ADAMTSL1: variants seen among roughly 807,000 people sequenced by gnomAD.
The protein encoded by ADAMTSL1 is ADAMTS-like protein 1.
A neutral mutation model predicts 201.8 loss-of-function variants in ADAMTSL1; 126 were observed. The observed-to-expected ratio is 0.62, with a 90% CI of 0.54 to 0.72. The LOEUF (loss-of-function observed/expected upper bound fraction) is 0.72, where lower values mean the gene tolerates loss of function less well. Ranked by LOEUF, ADAMTSL1 falls within the 30% of genes least tolerant of loss-of-function variation. The pLI is 0.00. For synonymous variants in ADAMTSL1, 1,121 were observed against 903.4 expected, an observed-to-expected ratio of 1.24 and a Z score of -4.32; for missense variants, 2,679 against 2,277.8, an observed-to-expected ratio of 1.18 and a Z score of -3.59.
At chr9:18,012,504 C>T (rs1012795847) in intron 1 of ADAMTSL1, among the ~76,000 whole-genome samples, 1 of 152,180 alleles carries the variant, frequency 6.6e-6, no homozygotes, top group East Asian at 1.9e-4. Flanking sequence ...CACCCATTTT[C>T]CGGGGCTGGG....
intron 2 of ADAMTSL1, among the ~76,000 whole-genome samples, chr9:18,368,804 T>C (rs917430627): frequency 6.6e-6 from 1 of 152,218 alleles, no homozygotes; most frequent in African/African-American, 2.4e-5. Context: ...TTACTGCAGA[T>C]ATGTAAAAAT....
intron 2 of ADAMTSL1, among the ~76,000 whole-genome samples, chr9:18,295,138 G>A (rs747777631): frequency 5.9e-5 from 9 of 151,950 alleles, no homozygotes; most frequent in Non-Finnish European, 7.4e-5. Flanking sequence ...ATATAACATG[G>A]TCACTATAGA....
intron 2 of ADAMTSL1, among the ~76,000 whole-genome samples, chr9:18,529,422 A>C (rs933277879): frequency 3.3e-5 from 5 of 152,136 alleles, no homozygotes; most frequent in Non-Finnish European, 5.9e-5. Context: ...TGTTTGATAG[A>C]CTTAGGAGTT....
At chr9:18,779,552 G>T (rs1821263430) in intron 19 of ADAMTSL1, among the ~76,000 whole-genome samples, 1 of 152,192 alleles carries the variant, frequency 6.6e-6, no homozygotes, top group Non-Finnish European at 1.5e-5. Flanking sequence ...ACTGGAAATG[G>T]TCTGAACACA....
intron 2 of ADAMTSL1, among the ~76,000 whole-genome samples, chr9:18,437,401 A>T (rs1453864346): frequency 6.6e-6 from 1 of 152,060 alleles, no homozygotes; most frequent in Non-Finnish European, 1.5e-5. Context: ...AGTTTCTTCC[A>T]ATGAGACCCC....
intron 20 of ADAMTSL1, among the ~76,000 whole-genome samples, chr9:18,807,660 A>G (rs1823244160): frequency 1.2e-5 from 1 of 83,590 alleles, no homozygotes; most frequent in South Asian, 3.7e-4. Context: ...AAAAAAAAAC[A>G]AAAAAAAAAC....
At chr9:18,357,152 CT>C (rs1170215432) in intron 2 of ADAMTSL1, among the ~76,000 whole-genome samples, 4 of 151,952 alleles carry the variant, frequency 2.6e-5, no homozygotes, top group African/African-American at 9.7e-5. Context: ...TAAGTTAATG[CT>C]TTTTAATAGA....
chr9:18,087,367 A>C (rs1264737064), intron 1 of ADAMTSL1, among the ~76,000 whole-genome samples: 1 of 152,144 alleles, frequency 6.6e-6, no homozygotes, highest in Non-Finnish European at 1.5e-5. Flanking sequence ...AATAATTGAT[A>C]AACTATAGTT....
intron 1 of ADAMTSL1, among the ~76,000 whole-genome samples, chr9:17,991,862 G>A (rs762434144): frequency 5.3e-5 from 8 of 152,140 alleles, no homozygotes; most frequent in Non-Finnish European, 1.2e-4. Flanking sequence ...ATTTTCCCTC[G>A]GGGGTGCTTC....
chr9:17,944,051 C>A (rs1018024142), intron 1 of ADAMTSL1, among the ~76,000 whole-genome samples: 9 of 151,878 alleles, frequency 5.9e-5, no homozygotes, highest in African/African-American at 2.2e-4. Context: ...ATGATTCAAA[C>A]ACCTCCCACC....
chr9:18,770,306 G>T (rs1312771398), intron 16 of ADAMTSL1, among the ~76,000 whole-genome samples: 1 of 152,180 alleles, frequency 6.6e-6, no homozygotes, highest in South Asian at 2.1e-4. Flanking sequence ...TAAACCAGTT[G>T]TCTTGGATGG....
intron 15 of ADAMTSL1, among the ~76,000 whole-genome samples, chr9:18,724,747 G>A (rs1817761877): frequency 6.6e-6 from 1 of 152,148 alleles, no homozygotes; most frequent in African/African-American, 2.4e-5. Flanking sequence ...AGGTAGCAAT[G>A]TTTGGACCAT....
intron 1 of ADAMTSL1, among the ~76,000 whole-genome samples, chr9:17,950,547 T>C (rs1827695027): frequency 2.0e-5 from 3 of 151,512 alleles, no homozygotes; most frequent in African/African-American, 4.8e-5. Context: ...TTATATATTA[T>C]ATATGCTACA....
At chr9:18,395,605 AAT>A (rs1409156188) in intron 2 of ADAMTSL1, among the ~76,000 whole-genome samples, 1 of 152,162 alleles carries the variant, frequency 6.6e-6, no homozygotes. Flanking sequence ...GTCAGTATAG[AAT>A]CTGTTCTGGA....
intron 2 of ADAMTSL1, among the ~76,000 whole-genome samples, chr9:18,415,600 G>A (rs934115807): frequency 6.6e-6 from 1 of 152,058 alleles, no homozygotes; most frequent in Non-Finnish European, 1.5e-5. Context: ...AGTTCCTGAA[G>A]TTGGGAGGGG....
chr9:18,572,778 G>C (rs1385447916), intron 3 of ADAMTSL1, among the ~76,000 whole-genome samples: 1 of 152,110 alleles, frequency 6.6e-6, no homozygotes, highest in East Asian at 1.9e-4. Flanking sequence ...TTCAGAGAAA[G>C]AAACCTTATA....
chr9:18,285,955 T>C (rs1403127044), intron 2 of ADAMTSL1, among the ~76,000 whole-genome samples: 1 of 152,088 alleles, frequency 6.6e-6, no homozygotes, highest in African/African-American at 2.4e-5. Flanking sequence ...CTAAGAACAT[T>C]TTCATCACTC....
intron 23 of ADAMTSL1, among the ~76,000 whole-genome samples, chr9:18,847,486 G>C (rs1563854288): frequency 6.6e-6 from 1 of 152,230 alleles, no homozygotes; most frequent in Non-Finnish European, 1.5e-5. Context: ...TCATATGGTA[G>C]AAGTAATAAG....
intron 1 of ADAMTSL1, among the ~76,000 whole-genome samples, chr9:17,989,673 G>A (rs1398208087): frequency 6.6e-6 from 1 of 151,832 alleles, no homozygotes. Flanking sequence ...ACCAACAAGA[G>A]TATTATCACT....
Sources: gnomAD v4.1 joint callset for allele counts (sites outside exome capture counted in the v4.1 genomes callset) on GRCh38, gnomAD v4.1.1 for gene constraint, MANE v1.5 for transcripts, NCBI Gene and HGNC (gene_info 2026-07-23, HGNC 2026-07-21) for gene names.